KDM5A: variants seen among roughly 807,000 people sequenced by gnomAD.
The protein encoded by KDM5A is lysine demethylase 5A.
KDM5A carries 42 observed loss-of-function variants against 193.5 expected under a neutral mutation model. The ratio of observed to expected loss-of-function variants is 0.22; its 90% CI spans 0.17 to 0.28. KDM5A has a LOEUF of 0.28. KDM5A is among the 10% of genes least tolerant of loss of function. The probability of loss-of-function intolerance (pLI) is 1.00; values close to 1 mark genes in which losing one functional copy is unlikely to be tolerated. For missense variants in KDM5A, 1,692 were observed against 2,055.1 expected, an observed-to-expected ratio of 0.82 and a Z score of 3.42; for synonymous variants, 796 against 718.1, an observed-to-expected ratio of 1.11 and a Z score of -1.73.
At chr12:337,057 T>C (rs1943943576) in intron 10 of KDM5A, among the ~76,000 whole-genome samples, 1 of 152,246 alleles carries the variant, frequency 6.6e-6, no homozygotes, top group East Asian at 1.9e-4. Flanking sequence ...TGTGGGCAGA[T>C]TTCCCCCTTG....
chr12:331,399 G>C (rs1943864351), intron 13 of KDM5A, among the ~76,000 whole-genome samples: 1 of 152,178 alleles, frequency 6.6e-6, no homozygotes, highest in East Asian at 1.9e-4. Flanking sequence ...CCTTAGAAAA[G>C]AAGGATTCAG....
chr12:366,842 A>G (rs990182302), intron 3 of KDM5A, among the ~76,000 whole-genome samples: 28 of 152,244 alleles, frequency 1.8e-4, no homozygotes, highest in Non-Finnish European at 2.4e-4. Context: ...CATGCACTGC[A>G]TAACATTTTG....
chr12:292,794 C>T lies in KDM5A; in HGVS notation c.4831G>A (p.Ala1611Thr), dbSNP rs200109736. 1.6e-4 allele frequency: 260 copies of T among 1,614,040 alleles called. No homozygotes were observed. The highest frequency in any genetic ancestry group is 2.1e-4 in the Non-Finnish European group (249 of 1,180,008). ...CAGGGCCTTTGGCAGTTCTGTGCTG[C>T]GCACACAGCATTCTCATCATCAGAC... ...EESDDENAVC[A>T]AQNCQRPCKD... The change falls in exon 27 of 28, where the codon GCA (alanine) becomes ACA (threonine). Residue 1611 changes from alanine (A) to threonine (T), a missense_variant. Ala to Thr is a moderately conservative substitution (Grantham distance 58). Coordinates refer to ENST00000399788, the MANE Select transcript of KDM5A (RefSeq NM_001042603.3).
intron 27 of KDM5A, among the ~76,000 whole-genome samples, chr12:292,440 G>A (rs1316886493): frequency 2.6e-5 from 4 of 152,064 alleles, no homozygotes; most frequent in Non-Finnish European, 4.4e-5. Flanking sequence ...CACCTTATAG[G>A]GAAGGCACAA....
intron 3 of KDM5A, among the ~76,000 whole-genome samples, chr12:381,001 T>A (rs1944566587): frequency 6.6e-6 from 1 of 151,712 alleles, no homozygotes; most frequent in African/African-American, 2.4e-5. Flanking sequence ...TATTTTATTT[T>A]TTTTTTTTAG....
intron 3 of KDM5A, among the ~76,000 whole-genome samples, chr12:381,183 G>A (rs542479590): frequency 9.9e-5 from 15 of 152,106 alleles, no homozygotes; most frequent in Non-Finnish European, 1.9e-4. Flanking sequence ...TAGTAGAGAC[G>A]AGGTTTCTCC....
At chr12:372,778 TTTATTGAGAGTTTTTA>T in intron 3 of KDM5A, among the ~76,000 whole-genome samples, 1 of 152,208 alleles carries the variant, frequency 6.6e-6, no homozygotes. Context: ...CAATACCTAA[TTTATTGAGAGTTTTTA>T]GCATGAAGCA....
rs1226495098 is a variant in KDM5A, at chr12:292,929, CCTT to C, written c.4693_4695del (p.Lys1565del). 5.0e-6 allele frequency: 8 copies of C among 1,604,434 alleles called. No individual in the cohort carries two copies. Among genetic ancestry groups the C allele is most frequent in the South Asian group, 1.1e-5 (1 of 90,878 alleles). ...TCAACTTTGGCTGCAGCAGCCTTCT[CCTT>C]CTTTTTCTTTCTCTCTTCTTCTTTT... On this transcript the variant is annotated inframe_deletion, in exon 27 of 28. Coordinates refer to ENST00000399788, the MANE Select transcript of KDM5A (RefSeq NM_001042603.3).
intron 3 of KDM5A, among the ~76,000 whole-genome samples, chr12:366,558 T>C (rs977390272): frequency 3.9e-5 from 6 of 151,980 alleles, no homozygotes; most frequent in Non-Finnish European, 7.4e-5. Context: ...AATCAAACCA[T>C]GAATACAGAG....
chr12:333,466 G>C (rs776535143), intron 12 of KDM5A, 21 bp downstream of exon 12: 1 of 1,613,314 alleles, frequency 6.2e-7, no homozygotes, highest in Admixed American at 1.7e-5. Flanking sequence ...AACAACTGAA[G>C]GAAGACACCA....
Position 376,290 on chromosome 12 carries a change from TC to T in KDM5A, c.366+7740del, listed in dbSNP as rs569738294. On this transcript the variant is annotated intron_variant, in intron 3 of 27. Coordinates refer to ENST00000399788, the MANE Select transcript of KDM5A (RefSeq NM_001042603.3). ...AAGCCTCAGCAATTGTGGGCACCCATCCCCCAGGCTCGCTGCCACCTTGTAG... is the reference window on the plus strand; with the variant it reads ...AAGCCTCAGCAATTGTGGGCACCCATCCCCAGGCTCGCTGCCACCTTGTAG... Among the ~76,000 whole-genome samples, 3 of 152,226 alleles carry T rather than the reference TC, an allele frequency of 2.0e-5. No individual in the cohort carries two copies. The South Asian group carries it at 6.2e-4, about 32-fold the overall frequency.
chr12:297,784 T>C (rs1238248315), intron 24 of KDM5A, among the ~76,000 whole-genome samples: 1 of 152,200 alleles, frequency 6.6e-6, no homozygotes, highest in Non-Finnish European at 1.5e-5. Flanking sequence ...TTTTAGTTGG[T>C]CTGGTGAGTT....
intron 3 of KDM5A, among the ~76,000 whole-genome samples, chr12:383,389 G>C (rs1944599097): frequency 6.6e-6 from 1 of 151,810 alleles, no homozygotes; most frequent in African/African-American, 2.4e-5. Context: ...TAGCTTTTCT[G>C]TATTTTTAGT....
At chr12:362,391 T>C (rs1326667026) in intron 5 of KDM5A, among the ~76,000 whole-genome samples, 1 of 149,204 alleles carries the variant, frequency 6.7e-6, no homozygotes, top group Non-Finnish European at 1.5e-5. Flanking sequence ...TATTAGGCTT[T>C]GAAATTATTT....
chr12:327,431 C>T (rs1246627955), intron 14 of KDM5A, among the ~76,000 whole-genome samples: 3 of 152,102 alleles, frequency 2.0e-5, no homozygotes, highest in Admixed American at 1.3e-4. Flanking sequence ...AAGTATAGGC[C>T]GGGCACAGTG....
At chr12:342,395 A>ATCCTACGTGATAGAACTGTATG (rs1944017627) in intron 10 of KDM5A, among the ~76,000 whole-genome samples, 1 of 152,158 alleles carries the variant, frequency 6.6e-6, no homozygotes, top group Non-Finnish European at 1.5e-5. Flanking sequence ...CTTTAAACAC[A>ATCCTACGTGATAGAACTGTATG]TATTTGACAA....
intron 2 of KDM5A, among the ~76,000 whole-genome samples, chr12:384,991 A>AC (rs1242359157): frequency 6.6e-6 from 1 of 152,132 alleles, no homozygotes. Flanking sequence ...GGAGTTCCAG[A>AC]CCAGCCTGGC....
At chr12:367,046 G>A (rs1944365442) in intron 3 of KDM5A, among the ~76,000 whole-genome samples, 1 of 152,188 alleles carries the variant, frequency 6.6e-6, no homozygotes, top group Non-Finnish European at 1.5e-5. Context: ...TAGGTATGCA[G>A]TAGGCCATAC....
At chr12:336,290 T>C (rs921902233) in intron 10 of KDM5A, among the ~76,000 whole-genome samples, 1 of 148,520 alleles carries the variant, frequency 6.7e-6, no homozygotes, top group African/African-American at 2.5e-5. Flanking sequence ...GCCCGGGAGA[T>C]TGAAGCTGTG....
Sources: gnomAD v4.1 joint callset for allele counts (sites outside exome capture counted in the v4.1 genomes callset) on GRCh38, gnomAD v4.1.1 for gene constraint, MANE v1.5 for transcripts, NCBI Gene and HGNC (gene_info 2026-07-23, HGNC 2026-07-21) for gene names.